The following TEX36 variants were observed in gnomAD, a reference collection of about 807,000 sequenced individuals.
TEX36 encodes the protein testis-expressed protein 36.
In TEX36, 12 loss-of-function variants were observed where a neutral mutation model predicts 13.6. The observed-to-expected ratio is 0.88, with a 90% confidence interval of 0.56 to 1.43. The LOEUF is 1.43. Among genes scored for constraint, TEX36 ranks in the 40% most tolerant of loss-of-function variants. The pLI is 0.00. For missense variants in TEX36, 224 were observed against 228.3 expected, an observed-to-expected ratio of 0.98 and a Z score of 0.12; for synonymous variants, 93 against 83.0, an observed-to-expected ratio of 1.12 and a Z score of -0.65.
intron 1 of TEX36, among the ~76,000 whole-genome samples, chr10:125,673,575 T>C (rs1039862442): frequency 2.6e-5 from 4 of 151,890 alleles, no homozygotes; most frequent in African/African-American, 9.7e-5. Flanking sequence ...CTGGGCATCG[T>C]GTCAGGTGCC....
intron 3 of TEX36, among the ~76,000 whole-genome samples, chr10:125,582,612 G>A (rs564452786): frequency 6.6e-6 from 1 of 152,188 alleles, no homozygotes; most frequent in Non-Finnish European, 1.5e-5. Flanking sequence ...AAGTTTAGTT[G>A]AGAGTGATTC....
downstream of TEX36, chr10:125,621,469 G>A (rs1422700715): frequency 5.5e-6 from 2 of 365,262 alleles, no homozygotes; most frequent in Non-Finnish European, 1.1e-5. Context: ...TCATGTGCTG[G>A]TGTGGTGTGT....
In TEX36 at chr10:125,622,050, C is replaced by T. The variant is rs190709684; in HGVS notation, c.265-405G>A. The stretch of plus-strand genomic sequence containing the variant: ...CACCAAGAAACAATACTCTACCACC[C>T]ATGTAGCCATTCTTCAATCCAATCA... On this transcript the variant is annotated intron_variant, in intron 3 of 3. Transcript: ENST00000526819. 3.0e-3 allele frequency among the ~76,000 whole-genome samples: 459 copies of T among 152,308 alleles called. 1 individual carries two copies. The highest frequency in any genetic ancestry group is 5.2e-3 in the Admixed American group (79 of 15,294).
chr10:125,677,078 C>T (rs1462603876), intron 1 of TEX36, among the ~76,000 whole-genome samples: 7 of 152,158 alleles, frequency 4.6e-5, no homozygotes, highest in Admixed American at 1.3e-4. Flanking sequence ...GTTAGTCTGA[C>T]GGAGTTTCCT....
chr10:125,599,399 G>A (rs1426236552), intron 3 of TEX36, among the ~76,000 whole-genome samples: 1 of 152,186 alleles, frequency 6.6e-6, no homozygotes, highest in Non-Finnish European at 1.5e-5. Context: ...GTGCATATGT[G>A]TGTGTGTTTC....
intron 3 of TEX36, chr10:125,640,248 A>G (rs767766002): frequency 1.0e-6 from 1 of 981,126 alleles, no homozygotes; most frequent in Non-Finnish European, 1.2e-6. Flanking sequence ...AAGGGAAGAA[A>G]ATAGGATTTG....
chr10:125,579,386 C>T (rs959336864), intron 3 of TEX36, among the ~76,000 whole-genome samples: 18 of 152,174 alleles, frequency 1.2e-4, no homozygotes, highest in African/African-American at 3.4e-4. Context: ...TGAGAATTCA[C>T]TCACTATCAT....
chr10:125,655,592 G>A, downstream of TEX36: 1 of 846,232 alleles, frequency 1.2e-6, no homozygotes, highest in Non-Finnish European at 1.5e-6. Flanking sequence ...TTGGAGATGT[G>A]GTGAAATCAA....
At chr10:125,593,809 A>G (rs924861101) in intron 3 of TEX36, among the ~76,000 whole-genome samples, 2 of 152,338 alleles carry the variant, frequency 1.3e-5, no homozygotes, top group African/African-American at 2.4e-5. Context: ...TCTGTTGAGG[A>G]TGATAGAAAG....
intron 3 of TEX36, among the ~76,000 whole-genome samples, chr10:125,600,046 A>G (rs2133541072): frequency 6.6e-6 from 1 of 152,312 alleles, no homozygotes; most frequent in South Asian, 2.1e-4. Context: ...TCTCTAGCCC[A>G]GTTCAGGAAA....
rs78097014 is a variant in TEX36 at position 125,639,337 on chromosome 10, A to G, written c.265-17692T>C. ...CACAGCATCCCTAGCTCCAAATCTC[A>G]GCTATTGCAAGGGGCCTGCTGCATC... On this transcript the variant is annotated intron_variant, in intron 3 of 3. Coordinates refer to the TEX36 transcript ENST00000526819. Among the ~76,000 whole-genome samples, 602 of 152,234 alleles carry G rather than the reference A, an allele frequency of 4.0e-3. 10 individuals carry two copies. The highest frequency in any genetic ancestry group is 0.014 in the African/African-American group (578 of 41,522).
chr10:125,581,713 A>G (rs1845885643), intron 3 of TEX36, among the ~76,000 whole-genome samples: 1 of 152,200 alleles, frequency 6.6e-6, no homozygotes, highest in Non-Finnish European at 1.5e-5. Flanking sequence ...ACAAAGAATC[A>G]TGAAACAGAG....
intron 3 of TEX36, among the ~76,000 whole-genome samples, chr10:125,615,938 T>C (rs940107239): frequency 2.0e-5 from 3 of 152,208 alleles, no homozygotes; most frequent in Non-Finnish European, 2.9e-5. Context: ...TGGTAAGCTA[T>C]TGATTATTGC....
At chr10:125,667,957 G>T (rs1481274105) in intron 1 of TEX36, 32 of 982,390 alleles carry the variant, frequency 3.3e-5, no homozygotes, top group Non-Finnish European at 6.6e-6. Flanking sequence ...GCATGGTGCT[G>T]GTGGTGGCAA....
intron 3 of TEX36, among the ~76,000 whole-genome samples, chr10:125,636,142 T>C (rs972434929): frequency 6.6e-6 from 1 of 151,864 alleles, no homozygotes; most frequent in African/African-American, 2.4e-5. Flanking sequence ...CCCAAAGTGC[T>C]GGGATTATAG....
At position 125,623,706 on chromosome 10, in the gene TEX36, G is replaced by A. The variant is rs187896535; in HGVS notation, c.265-2061C>T. ...GTCTGAAGAGACTCTGTAAGTGTGA[G>A]AAAGGCACTTTATTCGAAGGCATTC... is the stretch of plus-strand genomic sequence containing the variant. On this transcript the variant is annotated intron_variant, in intron 3 of 3. Transcript: ENST00000526819. Among the ~76,000 whole-genome samples, 920 of 152,296 alleles carry A rather than the reference G, an allele frequency of 6.0e-3. 14 individuals are homozygous for A. Among genetic ancestry groups the A allele is most frequent in the South Asian group, 0.054 (261 of 4,816 alleles).
At chr10:125,608,503 G>A (rs1275750323) in intron 3 of TEX36, among the ~76,000 whole-genome samples, 1 of 152,200 alleles carries the variant, frequency 6.6e-6, no homozygotes, top group Admixed American at 6.5e-5. Context: ...CGAAGCCTGG[G>A]ACCTCAGCTG....
At chr10:125,609,755 A>C (rs1434234744) in intron 3 of TEX36, among the ~76,000 whole-genome samples, 3 of 152,152 alleles carry the variant, frequency 2.0e-5, no homozygotes, top group Non-Finnish European at 4.4e-5. Context: ...ATCCTAACTC[A>C]CACCACATGT....
intron 3 of TEX36, among the ~76,000 whole-genome samples, chr10:125,591,549 C>G (rs12776905): frequency 2.2e-4 from 34 of 152,344 alleles, no homozygotes; most frequent in Non-Finnish European, 3.7e-4. Flanking sequence ...CCCAGCTTCA[C>G]TATGTGTGTG....
Sources: allele counts gnomAD v4.1 joint callset (sites outside exome capture counted in the v4.1 genomes callset), GRCh38; gene constraint gnomAD v4.1.1; transcripts MANE v1.5; gene names NCBI Gene and HGNC (gene_info 2026-07-23, HGNC 2026-07-21).